The following ASPM variants were observed in gnomAD, a reference collection of about 807,000 sequenced individuals.
ASPM encodes abnormal spindle-like microcephaly-associated protein.
A neutral mutation model predicts 366.4 loss-of-function variants in ASPM; 256 were observed. The observed-to-expected ratio is 0.70, with a 90% confidence interval of 0.63 to 0.77. ASPM has a LOEUF of 0.77. Among genes scored for constraint, ASPM ranks in the 30% least tolerant of loss-of-function variants. ASPM has a pLI of 0.00. For synonymous variants in ASPM, 1,414 were observed against 1,342.9 expected, an observed-to-expected ratio of 1.05 and a Z score of -1.16; for missense variants, 4,146 against 4,090.4, an observed-to-expected ratio of 1.01 and a Z score of -0.37.
rs1487563265 is a variant in ASPM at position 197,097,068 on chromosome 1, A to G, written c.8821-904T>C. Among the ~76,000 whole-genome samples the G allele has an allele frequency of 2.0e-5, 3 of 151,806 alleles. No individual in the cohort carries two copies. In the East Asian group the frequency reaches 5.8e-4, roughly 30 times the overall value. Reference sequence around the variant, plus strand: ...GCAAAAACTCAGTTGTATGTAAGAAAACCCAATTCCCCTTGGGAAGAGAAA... The same window carrying G: ...GCAAAAACTCAGTTGTATGTAAGAAGACCCAATTCCCCTTGGGAAGAGAAA... On this transcript the variant is annotated intron_variant, in intron 18 of 27. Transcript: ENST00000367409.
Position 197,128,584 on chromosome 1 carries a change from C to T in ASPM, c.2842G>A (p.Gly948Arg). ...GTCTGAACATGGTTAACAGGTAATC[C>T]CAATAAGCCAAGGTGACGGGAAAGG... ...GDLSRHLGLL[G>R]LPVNHVQTPF... Residue 948 changes from glycine to arginine, a missense_variant, in exon 10 of 28, where the codon GGA (glycine) becomes AGA (arginine). Coordinates refer to ENST00000367409, the MANE Select transcript of ASPM (RefSeq NM_018136.5). 2 of 1,613,586 alleles carry T rather than the reference C, an allele frequency of 1.2e-6. No individual in the cohort carries two copies. Among genetic ancestry groups the T allele is most frequent in the African/African-American group, 1.3e-5 (1 of 74,950 alleles).
intron 27 of ASPM, 137 bp downstream of exon 27, chr1:197,086,666 C>T: frequency 1.3e-6 from 1 of 778,546 alleles, no homozygotes; most frequent in African/African-American, 1.7e-5. Flanking sequence ...TTTAAATTTA[C>T]CAAACATTCC....
At position 197,103,799 on chromosome 1, in the gene ASPM, G is replaced by A. The variant is rs41299625; in HGVS notation, c.5452C>T (p.Arg1818Cys). The A allele has an allele frequency of 1.4e-3, 2,273 of 1,612,936 alleles. 2 individuals carry two copies. Among genetic ancestry groups the A allele is most frequent in the Non-Finnish European group, 1.7e-3 (2,035 of 1,179,392 alleles). Reference protein sequence around the residue: ...LQAAYRGYKVRQLIKQQSIAA... With the variant: ...LQAAYRGYKVCQLIKQQSIAA... ...ATAGATTGTTGTTTGATTAGCTGGC[G>A]TACTTTATAACCTCTGTAAGCTGCT... The change falls in exon 18 of 28, where the codon CGC becomes TGC. Residue 1818 changes from arginine (R) to cysteine (C), a missense_variant. Around this residue, in one of 3 missense-constraint regions of ASPM, gnomAD observed 3,624 missense variants for 3,591.7 expected, o/e 1.01. Transcript: ENST00000367409.
intron 13 of ASPM, among the ~76,000 whole-genome samples, chr1:197,123,303 T>C (rs190599253): frequency 2.4e-3 from 360 of 152,190 alleles, no homozygotes; most frequent in African/African-American, 8.4e-3. Context: ...GTATAAGAGC[T>C]GAAACAAAAA....
intron 16 of ASPM, among the ~76,000 whole-genome samples, chr1:197,120,887 C>G (rs1210174634): frequency 1.3e-5 from 2 of 152,112 alleles, no homozygotes; most frequent in Non-Finnish European, 2.9e-5. Context: ...ATTTCCCAAA[C>G]TTTACTATGA....
intron 16 of ASPM, among the ~76,000 whole-genome samples, chr1:197,119,614 T>G (rs1209540903): frequency 2.0e-5 from 1 of 51,122 alleles, no homozygotes; most frequent in East Asian, 0.1. Context: ...GATAAAAGTT[T>G]CCATGTATGG....
At chr1:197,119,112 T>C (rs965874157) in intron 16 of ASPM, among the ~76,000 whole-genome samples, 1 of 152,110 alleles carries the variant, frequency 6.6e-6, no homozygotes, top group African/African-American at 2.4e-5. Context: ...TTTTTACATA[T>C]AAAAAAGGTG....
Position 197,084,166 on chromosome 1 carries a change from A to G in ASPM, c.*158T>C, listed in dbSNP as rs41265225. 6,621 of 623,186 alleles carry G rather than the reference A, an allele frequency of 0.011. 72 individuals carry two copies. Among genetic ancestry groups the G allele is most frequent in the Middle Eastern group, 0.015 (36 of 2,378 alleles). 38.6% of individuals were successfully genotyped at this position (623,186 alleles called of 1,614,324 possible). A position where few individuals can be genotyped will look rare whatever the true frequency, so the allele number is the denominator to read the frequency against. On this transcript the variant is annotated 3_prime_UTR_variant, in exon 28 of 28. Transcript: ENST00000367409. ...ATTAGTTTATTACATGCATAAAACTATAAATGATAAAAATGAAGAATGTAA... is the reference window on the plus strand; with the variant it reads ...ATTAGTTTATTACATGCATAAAACTGTAAATGATAAAAATGAAGAATGTAA...
In ASPM at chr1:197,096,097, G is replaced by A. The variant is rs747691486; in HGVS notation, c.8888C>T (p.Ala2963Val). 1 of 1,609,638 alleles carries A rather than the reference G, an allele frequency of 6.2e-7. No individual in the cohort carries two copies. The highest frequency in any genetic ancestry group is 8.5e-7 in the Non-Finnish European group (1 of 1,176,748). ...CKVKAACKIQ[A>V]WYRCWRAHKE... ...GTGTGCTCTCCAACATCTATACCAG[G>A]CTTGAATCTTGCAGGCAGCTTTCAC... Residue 2963 changes from alanine (A) to valine (V), a missense_variant, in exon 19 of 28, where the codon GCC becomes GTC. Coordinates refer to ENST00000367409, the MANE Select transcript of ASPM (RefSeq NM_018136.5).
Position 197,104,722 on chromosome 1 carries a change from CTTCTTTTATATAACTTTT to C in ASPM, c.4511_4528del (p.Gln1504_Arg1509del). The C allele has an allele frequency of 6.2e-7, 1 of 1,609,930 alleles. No homozygotes were observed. Among genetic ancestry groups the C allele is most frequent in the African/African-American group, 1.3e-5 (1 of 74,720 alleles). On this transcript the variant is annotated inframe_deletion, in exon 18 of 28. Transcript: ENST00000367409. ...CTGGATGGTTAGTATGGACTCTTTT[CTTCTTTTATATAACTTTT>C]GGGCTTGAAAGCACCGAAATCTTTT...
rs1658213195 is a variant in ASPM, at chr1:197,130,014, C to T, written c.2530G>A (p.Val844Ile). ...ELISLEDNSD[V>I]TGLAMFILNR... Reference sequence around the variant, plus strand: ...AGAATAAACATAGCCAACCCTGTGACATCACTGTTATCTTCCAAAGATATG... The same window carrying T: ...AGAATAAACATAGCCAACCCTGTGATATCACTGTTATCTTCCAAAGATATG... Residue 844 changes from valine to isoleucine, a missense_variant, in exon 8 of 28, where the codon GTC becomes ATC. Physicochemically the swap from Val to Ile is conservative, Grantham distance 29 (BLOSUM62 3). Around this residue, in one of 3 missense-constraint regions of ASPM, gnomAD observed 3,624 missense variants for 3,591.7 expected, o/e 1.01. Transcript: ENST00000367409. 2 of 1,613,854 alleles carry T rather than the reference C, an allele frequency of 1.2e-6. No individual in the cohort carries two copies. Among genetic ancestry groups the T allele is most frequent in the East Asian group, 2.2e-5 (1 of 44,864 alleles).
chr1:197,107,939 A>G (rs1273445582), intron 17 of ASPM, among the ~76,000 whole-genome samples: 1 of 151,974 alleles, frequency 6.6e-6, no homozygotes, highest in Admixed American at 6.6e-5. Flanking sequence ...ATTCTAAAAA[A>G]CTCTATTTAT....
chr1:197,145,845 A>AATATATATATATATATATATATATAT (rs71131744), intron 1 of ASPM, among the ~76,000 whole-genome samples: 6 of 147,678 alleles, frequency 4.1e-5, no homozygotes, highest in African/African-American at 1.5e-4. Context: ...TCAATTAGAG[A>AATATATATATATATATATATATATAT]ATATATATAT....
intron 21 of ASPM, 88 bp downstream of exon 21, chr1:197,092,964 T>C: frequency 8.7e-7 from 1 of 1,145,102 alleles, no homozygotes. Context: ...TCTGAAATTA[T>C]TCTCTAAAAT....
intron 27 of ASPM, among the ~76,000 whole-genome samples, chr1:197,085,607 C>T (rs1052563849): frequency 5.3e-5 from 8 of 152,010 alleles, no homozygotes; most frequent in South Asian, 2.1e-4. Context: ...TAAACATGAA[C>T]GAATTTCAAA....
intron 17 of ASPM, among the ~76,000 whole-genome samples, chr1:197,112,254 G>A (rs149648792): frequency 0.01 from 1,583 of 152,012 alleles, 30 homozygotes; most frequent in African/African-American, 0.034. Context: ...AAACTAACAC[G>A]GGAACAGAAA....
At chr1:197,145,990 C>G in intron 1 of ASPM, 151 bp downstream of exon 1, 1 of 984,494 alleles carries the variant, frequency 1.0e-6, no homozygotes, top group Non-Finnish European at 1.5e-6. Flanking sequence ...CCAAGAGCCA[C>G]CCACAGTTAT....
chr1:197,119,958 A>T (rs1470480674), intron 16 of ASPM, among the ~76,000 whole-genome samples: 1 of 152,178 alleles, frequency 6.6e-6, no homozygotes, highest in Non-Finnish European at 1.5e-5. Context: ...TTGCAATAAC[A>T]TAGGGAGCCT....
At position 197,142,356 on chromosome 1, in the gene ASPM, C is replaced by A; in HGVS notation, c.1896G>T (p.Glu632Asp). ...TPISKRISNR[E>D]KLNLKKKTDL... ...CAGTTTTCTTCTTCAGGTTTAATTTCTCTCTGTTGCTAATACGTTTTGAGA... is the reference window on the plus strand; with the variant it reads ...CAGTTTTCTTCTTCAGGTTTAATTTATCTCTGTTGCTAATACGTTTTGAGA... The change falls in exon 3 of 28, where the codon GAG becomes GAT. Residue 632 changes from glutamate to aspartate, a missense_variant. By Grantham distance (45) the Glu-to-Asp change is conservative. Coordinates refer to ENST00000367409, the MANE Select transcript of ASPM (RefSeq NM_018136.5). 6.2e-7 allele frequency: 1 copy of A among 1,613,728 alleles called. No homozygotes were observed. Among genetic ancestry groups the A allele is most frequent in the South Asian group, 1.1e-5 (1 of 91,016 alleles).
Sources: gnomAD v4.1 joint callset for allele counts (sites outside exome capture counted in the v4.1 genomes callset) on GRCh38, gnomAD v4.1.1 for gene constraint, gnomAD v4.1.1 regional missense constraint, MANE v1.5 for transcripts, NCBI Gene and HGNC (gene_info 2026-07-23, HGNC 2026-07-21) for gene names.